CHST9: variants seen among roughly 807,000 people sequenced by gnomAD.
CHST9 encodes carbohydrate sulfotransferase 9.
In CHST9, 41 loss-of-function variants were observed where a neutral mutation model predicts 44.4. The observed-to-expected ratio is 0.92, with a 90% confidence interval of 0.72 to 1.20. The LOEUF (loss-of-function observed/expected upper bound fraction) is 1.20, where lower values mean the gene tolerates loss of function less well. Among genes scored for constraint, CHST9 ranks in the 50% most tolerant of loss-of-function variants. The pLI is 0.00. For missense variants in CHST9, 504 were observed against 516.5 expected (o/e 0.98, Z 0.23); for synonymous variants, 171 against 178.4 (o/e 0.96, Z 0.33).
intron 5 of CHST9, chr18:26,936,754 A>G (rs1465454284): frequency 6.6e-6 from 1 of 152,182 alleles, no homozygotes; most frequent in South Asian, 2.1e-4. Flanking sequence ...ACTCAACAGA[A>G]AGGAGGAAAA....
intron 2 of CHST9, among the ~76,000 whole-genome samples, chr18:27,140,671 C>CCATT (rs556443946): frequency 1.3e-3 from 203 of 152,132 alleles, no homozygotes; most frequent in Middle Eastern, 3.4e-3. Context: ...AATTTTCAAT[C>CCATT]CATTCATTCA....
At chr18:27,094,821 C>T (rs7233292) in intron 2 of CHST9, among the ~76,000 whole-genome samples, 123,411 of 152,152 alleles carry the variant, frequency 0.81, 50,417 homozygotes, top group East Asian at 0.92. Flanking sequence ...AAAGATCACA[C>T]AGCTAGCTAG....
intron 3 of CHST9, among the ~76,000 whole-genome samples, chr18:27,031,840 G>A (rs575235979): frequency 5.9e-5 from 9 of 152,178 alleles, no homozygotes; most frequent in East Asian, 1.9e-4. Flanking sequence ...CAGTTTCAGA[G>A]TGGCCATCCT....
At chr18:27,094,265 G>A (rs2143727559) in intron 2 of CHST9, among the ~76,000 whole-genome samples, 1 of 152,044 alleles carries the variant, frequency 6.6e-6, no homozygotes, top group Admixed American at 6.5e-5. Context: ...ATGTGGAATG[G>A]GACAAAATTA....
intron 4 of CHST9, among the ~76,000 whole-genome samples, chr18:26,987,133 A>G (rs963563920): frequency 3.9e-5 from 6 of 152,186 alleles, no homozygotes; most frequent in African/African-American, 1.4e-4. Flanking sequence ...CCGATCCTTC[A>G]TGAATGGCTT....
rs1036254414 is a variant in CHST9, at chr18:27,154,955, T to G, written c.-96-12050A>C. ...AAAATTAGCTGGCATGGTAGTGCGCTCCTGTAATTCCAGCTACTCGGGAGG... is the reference window on the plus strand; with the variant it reads ...AAAATTAGCTGGCATGGTAGTGCGCGCCTGTAATTCCAGCTACTCGGGAGG... On this transcript the variant is annotated intron_variant, in intron 1 of 5. Coordinates refer to ENST00000618847, the MANE Select transcript of CHST9 (RefSeq NM_031422.6). 2.0e-5 allele frequency among the ~76,000 whole-genome samples: 3 copies of G among 151,738 alleles called. No individual in the cohort carries two copies. The South Asian group carries it at 6.2e-4, about 31-fold the overall frequency.
chr18:26,975,511 A>G (rs1052023046), intron 4 of CHST9, among the ~76,000 whole-genome samples: 2 of 151,756 alleles, frequency 1.3e-5, no homozygotes, highest in African/African-American at 4.8e-5. Flanking sequence ...TCCCACTTAT[A>G]AGTGAGAACA....
chr18:27,043,560 G>C (rs2057468201), intron 3 of CHST9, among the ~76,000 whole-genome samples: 1 of 151,974 alleles, frequency 6.6e-6, no homozygotes, highest in Admixed American at 6.6e-5. Context: ...TCTTGTAAAT[G>C]TATCTGGATT....
At chr18:27,046,821 C>A (rs1485883352) in intron 3 of CHST9, among the ~76,000 whole-genome samples, 2 of 152,032 alleles carry the variant, frequency 1.3e-5, no homozygotes, top group South Asian at 4.1e-4. Flanking sequence ...ATTAGTTATC[C>A]TTAACCTCAC....
chr18:27,146,111 G>T (rs979669390), intron 1 of CHST9, among the ~76,000 whole-genome samples: 1 of 152,110 alleles, frequency 6.6e-6, no homozygotes, highest in Non-Finnish European at 1.5e-5. Context: ...GGGAACGGTG[G>T]GAGTAAGAGC....
intron 2 of CHST9, among the ~76,000 whole-genome samples, chr18:27,074,267 G>A (rs560072427): frequency 9.9e-5 from 15 of 152,186 alleles, no homozygotes; most frequent in South Asian, 8.3e-4. Flanking sequence ...AGGATCTCTC[G>A]TCAAATTCAT....
chr18:27,119,770 C>G (rs1194899741), intron 2 of CHST9, among the ~76,000 whole-genome samples: 1 of 151,498 alleles, frequency 6.6e-6, no homozygotes, highest in Non-Finnish European at 1.5e-5. Flanking sequence ...TTTCCTTAAG[C>G]ACTTATTCTA....
At chr18:26,952,997 C>G (rs555200538) in intron 4 of CHST9, among the ~76,000 whole-genome samples, 1 of 152,192 alleles carries the variant, frequency 6.6e-6, no homozygotes, top group African/African-American at 2.4e-5. Flanking sequence ...CTGCTATACT[C>G]CCTTTTAACT....
chr18:27,065,650 T>A (rs2057774693), intron 2 of CHST9, among the ~76,000 whole-genome samples: 2 of 145,758 alleles, frequency 1.4e-5, no homozygotes, highest in Admixed American at 1.4e-4. Context: ...GGAGAAACGA[T>A]ATAAAAAGAG....
intron 3 of CHST9, among the ~76,000 whole-genome samples, chr18:27,042,286 G>A (rs888702138): frequency 6.6e-6 from 1 of 152,094 alleles, no homozygotes; most frequent in Admixed American, 6.6e-5. Flanking sequence ...CCTTGACCAA[G>A]TCACATAGCA....
intron 4 of CHST9, among the ~76,000 whole-genome samples, chr18:26,993,286 C>CT (rs958014312): frequency 1.8e-4 from 28 of 152,046 alleles, no homozygotes; most frequent in African/African-American, 2.2e-4. Flanking sequence ...GTACCATGAG[C>CT]TTTTTTTTAA....
At position 26,923,049 on chromosome 18, in the gene CHST9, G is replaced by A. The variant is rs548697476; in HGVS notation, c.241-5699C>T. 2.0e-5 allele frequency among the ~76,000 whole-genome samples: 3 copies of A among 152,358 alleles called. No individual in the cohort carries two copies. The South Asian group carries it at 6.2e-4, about 32-fold the overall frequency. On this transcript the variant is annotated intron_variant, in intron 5 of 5. Transcript: ENST00000618847. ...TCTTTCTCCCCGTCAAAGTTGTTGA[G>A]CACCTCCTATACATCAGGTTCTGTG...
chr18:27,001,265 G>C (rs1490542906), intron 4 of CHST9, among the ~76,000 whole-genome samples: 1 of 152,162 alleles, frequency 6.6e-6, no homozygotes, highest in Non-Finnish European at 1.5e-5. Context: ...CTCTAGGACT[G>C]GACATTAAAC....
chr18:26,925,115 A>T (rs756568946), intron 5 of CHST9, among the ~76,000 whole-genome samples: 1 of 152,126 alleles, frequency 6.6e-6, no homozygotes, highest in East Asian at 1.9e-4. Context: ...TGGAGAAAAA[A>T]CTTGGTGCAT....
Sources: allele counts gnomAD v4.1 joint callset (sites outside exome capture counted in the v4.1 genomes callset), GRCh38; gene constraint gnomAD v4.1.1; transcripts MANE v1.5; gene names NCBI Gene and HGNC (gene_info 2026-07-23, HGNC 2026-07-21).